The following SYT9 variants were observed in gnomAD, a reference collection of about 807,000 sequenced individuals.
SYT9 encodes synaptotagmin-9.
Under a neutral mutation model 48.4 loss-of-function variants are expected in SYT9, and 22 were observed. The ratio of observed to expected loss-of-function variants is 0.45; its 90% CI spans 0.32 to 0.65. SYT9 has a LOEUF of 0.65. Among genes scored for constraint, SYT9 ranks in the 30% least tolerant of loss-of-function variants. The probability of loss-of-function intolerance (pLI) is 0.03; values close to 1 mark genes in which losing one functional copy is unlikely to be tolerated. For synonymous variants in SYT9, 265 were observed against 245.0 expected, an observed-to-expected ratio of 1.08 and a Z score of -0.76; for missense variants, 577 against 622.0, an observed-to-expected ratio of 0.93 and a Z score of 0.77.
intron 3 of SYT9, among the ~76,000 whole-genome samples, chr11:7,363,551 A>G (rs1049785940): frequency 1.3e-5 from 2 of 152,220 alleles, no homozygotes; most frequent in East Asian, 1.9e-4. Flanking sequence ...AAATCTTTAC[A>G]TTGAACATAT....
chr11:7,418,848 CATT>C (rs1170177752), intron 5 of SYT9, among the ~76,000 whole-genome samples: 1 of 152,208 alleles, frequency 6.6e-6, no homozygotes, highest in African/African-American at 2.4e-5. Context: ...TTAAACCAGT[CATT>C]AGACTAAAAT....
chr11:7,460,706 A>G (rs1848220554), intron 6 of SYT9, among the ~76,000 whole-genome samples: 1 of 152,194 alleles, frequency 6.6e-6, no homozygotes, highest in Non-Finnish European at 1.5e-5. Flanking sequence ...TGAATCTTAT[A>G]ATTTTCTAGT....
intron 3 of SYT9, among the ~76,000 whole-genome samples, chr11:7,383,610 G>GTGTA (rs1337035523): frequency 1.3e-5 from 2 of 152,206 alleles, no homozygotes. Context: ...AGTGACAAAT[G>GTGTA]TGTAATCAAG....
At chr11:7,358,858 T>G (rs959279424) in intron 3 of SYT9, among the ~76,000 whole-genome samples, 3 of 152,226 alleles carry the variant, frequency 2.0e-5, no homozygotes, top group Admixed American at 6.5e-5. Context: ...TTCAGATTTT[T>G]TTTTATTATA....
intron 1 of SYT9, among the ~76,000 whole-genome samples, chr11:7,244,946 T>C (rs1253475821): frequency 6.6e-6 from 1 of 152,210 alleles, no homozygotes; most frequent in Non-Finnish European, 1.5e-5. Context: ...GAAGGAGTGC[T>C]GGGCTCAGCT....
At chr11:7,351,867 C>T (rs1434688434) in intron 3 of SYT9, among the ~76,000 whole-genome samples, 1 of 152,146 alleles carries the variant, frequency 6.6e-6, no homozygotes, top group Non-Finnish European at 1.5e-5. Flanking sequence ...GAGTAACCAA[C>T]CACTCTATTT....
At chr11:7,347,854 C>T (rs749433790) in intron 3 of SYT9, among the ~76,000 whole-genome samples, 4 of 152,078 alleles carry the variant, frequency 2.6e-5, no homozygotes, top group Non-Finnish European at 4.4e-5. Flanking sequence ...AGACAGGCTC[C>T]GTGCTAGCAC....
intron 1 of SYT9, among the ~76,000 whole-genome samples, chr11:7,280,963 T>C (rs1468583784): frequency 9.8e-5 from 15 of 152,342 alleles, no homozygotes; most frequent in Admixed American, 6.5e-5. Flanking sequence ...TTTACATTTA[T>C]ATAATTTAGT....
At chr11:7,284,796 C>CCTTCTAGGTTAGT (rs1848566165) in intron 1 of SYT9, among the ~76,000 whole-genome samples, 1 of 152,064 alleles carries the variant, frequency 6.6e-6, no homozygotes, top group African/African-American at 2.4e-5. Context: ...CTTCAGGGAG[C>CCTTCTAGGTTAGT]CTTCTAGGTT....
At chr11:7,465,116 G>A (rs1338730951) in intron 6 of SYT9, among the ~76,000 whole-genome samples, 1 of 152,004 alleles carries the variant, frequency 6.6e-6, no homozygotes, top group Non-Finnish European at 1.5e-5. Context: ...CTATTTGGAT[G>A]GTGCTCCAGG....
chr11:7,242,397 A>T (rs1847749122), intron 1 of SYT9, among the ~76,000 whole-genome samples: 1 of 152,156 alleles, frequency 6.6e-6, no homozygotes, highest in Admixed American at 6.5e-5. Flanking sequence ...AGCTGTGTGA[A>T]TTTGGGCAGG....
At chr11:7,348,181 C>T (rs1182814177) in intron 3 of SYT9, among the ~76,000 whole-genome samples, 2 of 152,110 alleles carry the variant, frequency 1.3e-5, no homozygotes, top group African/African-American at 2.4e-5. Context: ...ACTACAGGAC[C>T]TCCCCCTTCA....
chr11:7,239,854 G>T (rs1417772475), intron 1 of SYT9, among the ~76,000 whole-genome samples: 3 of 152,192 alleles, frequency 2.0e-5, no homozygotes, highest in Non-Finnish European at 4.4e-5. Context: ...GATAAGAAAT[G>T]TTGGGTAGAA....
chr11:7,365,265 T>G (rs2171458), intron 3 of SYT9, among the ~76,000 whole-genome samples: 10,185 of 152,078 alleles, frequency 0.067, 393 homozygotes, highest in Middle Eastern at 0.13. Flanking sequence ...GGAAAATAAA[T>G]GCTTCAGTCT....
At chr11:7,409,437 G>C (rs142534229) in intron 3 of SYT9, among the ~76,000 whole-genome samples, 78 of 152,192 alleles carry the variant, frequency 5.1e-4, no homozygotes, top group African/African-American at 1.8e-3. Context: ...ATGGTTTTAG[G>C]AGGATTTGTA....
Position 7,313,397 on chromosome 11 carries a change from A to G in SYT9, c.500A>G (p.His167Arg). The change falls in exon 3 of 7, where the codon CAT becomes CGT. Residue 167 changes from histidine (H) to arginine (R), a missense_variant and splice_region_variant. Transcript: ENST00000318881. ...QVTEPTSSAR[H>R]NSIRRQLNLS... ...TTCTGTGTTGCTCTTCATTCAAGGC[A>G]TAATTCAATCCGAAGACAACTCAAC... The G allele has an allele frequency of 5.6e-6, 9 of 1,607,940 alleles. No homozygotes were observed. Among genetic ancestry groups the G allele is most frequent in the Non-Finnish European group, 7.6e-6 (9 of 1,177,612 alleles).
chr11:7,395,136 C>T (rs911056920), intron 3 of SYT9, among the ~76,000 whole-genome samples: 1 of 151,952 alleles, frequency 6.6e-6, no homozygotes, highest in East Asian at 1.9e-4. Context: ...ATATACTGAA[C>T]CCAATTTGCA....
At chr11:7,349,152 CTT>C (rs1358208492) in intron 3 of SYT9, among the ~76,000 whole-genome samples, 11 of 151,992 alleles carry the variant, frequency 7.2e-5, no homozygotes, top group Non-Finnish European at 7.4e-5. Flanking sequence ...CACTTACTCT[CTT>C]TACTGGGGAT....
chr11:7,465,086 C>CA (rs886571220), intron 6 of SYT9, among the ~76,000 whole-genome samples: 3 of 151,324 alleles, frequency 2.0e-5, no homozygotes, highest in South Asian at 2.1e-4. Context: ...GACTCCATCT[C>CA]AAAAAAAACG....
Sources: allele counts gnomAD v4.1 joint callset (sites outside exome capture counted in the v4.1 genomes callset), GRCh38; gene constraint gnomAD v4.1.1; transcripts MANE v1.5; gene names NCBI Gene and HGNC (gene_info 2026-07-23, HGNC 2026-07-21).